EYS: variants seen among roughly 807,000 people sequenced by gnomAD.
The protein encoded by EYS is EGF-like photoreceptor maintenance factor, also known as protein eyes shut homolog.
EYS carries 250 observed loss-of-function variants against 282.1 expected under a neutral mutation model. That is an observed-to-expected ratio of 0.89 (90% CI 0.80 to 0.98). The LOEUF (loss-of-function observed/expected upper bound fraction) is 0.98, where lower values mean the gene tolerates loss of function less well. EYS is among the 50% of genes least tolerant of loss of function. The probability of loss-of-function intolerance (pLI) is 0.00; values close to 1 mark genes in which losing one functional copy is unlikely to be tolerated. For synonymous variants in EYS, 1,355 were observed against 1,282.9 expected, an observed-to-expected ratio of 1.06 and a Z score of -1.20; for missense variants, 4,016 against 3,709.0, an observed-to-expected ratio of 1.08 and a Z score of -2.15.
intron 19 of EYS, among the ~76,000 whole-genome samples, chr6:64,870,234 A>C (rs1191525370): frequency 6.6e-6 from 1 of 151,642 alleles, no homozygotes; most frequent in African/African-American, 2.4e-5. Context: ...ACACATAAAT[A>C]TTCATAAAAG....
At chr6:64,485,956 C>G (rs960942545) in intron 26 of EYS, among the ~76,000 whole-genome samples, 5 of 151,358 alleles carry the variant, frequency 3.3e-5, no homozygotes, top group African/African-American at 1.2e-4. Context: ...ATAGCAGACT[C>G]AGAAAGAACC....
chr6:64,902,278 A>C, intron 17 of EYS, 58 bp from the exon 18 acceptor site: 1 of 1,377,140 alleles, frequency 7.3e-7, no homozygotes, highest in Non-Finnish European at 1.0e-6. Flanking sequence ...TCAATGCTTC[A>C]ACTAATTGTA....
intron 11 of EYS, among the ~76,000 whole-genome samples, chr6:65,327,884 T>C (rs1229536767): frequency 1.3e-5 from 2 of 151,572 alleles, no homozygotes; most frequent in African/African-American, 2.4e-5. Context: ...TAGGATGATG[T>C]ATTTTTTTCA....
In EYS at chr6:65,119,354, C is replaced by G. The variant is rs751054084; in HGVS notation, c.2024-61627G>C. 2.6e-5 allele frequency among the ~76,000 whole-genome samples: 4 copies of G among 152,136 alleles called. No homozygotes were observed. In the South Asian group the frequency reaches 6.2e-4, roughly 24 times the overall value. On this transcript the variant is annotated intron_variant, in intron 12 of 42. Transcript: ENST00000503581. Reference sequence around the variant, plus strand: ...TAAAAGTCATCATCTTATACCAAGGCACAAGGAGCTACCACGTCTAAACCT... The same window carrying G: ...TAAAAGTCATCATCTTATACCAAGGGACAAGGAGCTACCACGTCTAAACCT...
intron 26 of EYS, among the ~76,000 whole-genome samples, chr6:64,460,025 CT>C (rs1360854850): frequency 3.3e-5 from 5 of 151,640 alleles, no homozygotes; most frequent in Admixed American, 6.6e-5. Flanking sequence ...TCCTCAATGA[CT>C]TTTATTCAAA....
rs1334919797 is a variant in EYS at position 63,838,729 on chromosome 6, T to G, written c.7228+25457A>C. On this transcript the variant is annotated intron_variant, in intron 36 of 42. Coordinates refer to ENST00000503581, the MANE Select transcript of EYS (RefSeq NM_001142800.2). Reference sequence around the variant, plus strand: ...GGCCTTTTCTCCTAAAGAGTAGGCCTCTCTTGGCTTCTGTGACAACTTGCA... The same window carrying G: ...GGCCTTTTCTCCTAAAGAGTAGGCCGCTCTTGGCTTCTGTGACAACTTGCA... Among the ~76,000 whole-genome samples the G allele has an allele frequency of 2.6e-5, 4 of 152,110 alleles. No individual in the cohort carries two copies. In the East Asian group the frequency reaches 7.7e-4, roughly 29 times the overall value.
chr6:63,926,074 G>A (rs951383341), intron 35 of EYS, among the ~76,000 whole-genome samples: 1 of 151,974 alleles, frequency 6.6e-6, no homozygotes, highest in Admixed American at 6.5e-5. Flanking sequence ...ACTTATGAGT[G>A]AGAACATGGC....
chr6:64,937,232 TCA>T (rs1768939253), intron 15 of EYS, among the ~76,000 whole-genome samples: 1 of 151,408 alleles, frequency 6.6e-6, no homozygotes, highest in African/African-American at 2.4e-5. Flanking sequence ...ATTGTAATCT[TCA>T]GTTAGACAAC....
chr6:63,761,634 A>G (rs1202003304), intron 41 of EYS, among the ~76,000 whole-genome samples: 4 of 151,910 alleles, frequency 2.6e-5, no homozygotes, highest in African/African-American at 9.7e-5. Flanking sequence ...TTGGTGATTG[A>G]CTCCTGTACT....
intron 14 of EYS, among the ~76,000 whole-genome samples, chr6:64,978,382 C>T (rs1294498674): frequency 6.6e-6 from 1 of 151,918 alleles, no homozygotes; most frequent in Non-Finnish European, 1.5e-5. Flanking sequence ...TTTAAGCCCA[C>T]TCTTTAGACC....
At chr6:65,695,716 C>A (rs932547102) in intron 1 of EYS, among the ~76,000 whole-genome samples, 4 of 151,720 alleles carry the variant, frequency 2.6e-5, no homozygotes, top group African/African-American at 9.7e-5. Context: ...TAAATACATG[C>A]ACATACAGGT....
chr6:65,692,642 T>C (rs1226352593), intron 1 of EYS, among the ~76,000 whole-genome samples: 1 of 150,090 alleles, frequency 6.7e-6, no homozygotes, highest in Non-Finnish European at 1.5e-5. Context: ...AAGAATTGTT[T>C]TCCATAAGGA....
Position 63,720,998 on chromosome 6 carries a change from A to G in EYS, c.9033T>C (p.Ile3011=). 6.4e-7 allele frequency: 1 copy of G among 1,551,304 alleles called. No homozygotes were observed. Among genetic ancestry groups the G allele is most frequent in the Non-Finnish European group, 8.7e-7 (1 of 1,146,756 alleles). ...AQNEENDFLA[I]GLHNQTLKIA... ...TTTTCAAGGTCTGATTATGGAGACC[A>G]ATTGCCAGAAAATCATTTTCTTCAT... Residue 3011 remains isoleucine (I), a synonymous_variant, in exon 43 of 43, where the codon ATT becomes ATC. Coordinates refer to ENST00000503581, the MANE Select transcript of EYS (RefSeq NM_001142800.2).
chr6:65,171,107 A>G (rs1177939848), intron 12 of EYS, among the ~76,000 whole-genome samples: 1 of 151,550 alleles, frequency 6.6e-6, no homozygotes, highest in Non-Finnish European at 1.5e-5. Flanking sequence ...GCAGTGTACT[A>G]ATTATCTGTT....
intron 29 of EYS, among the ~76,000 whole-genome samples, chr6:64,326,785 T>C (rs368527216): frequency 1.4e-3 from 205 of 148,800 alleles, no homozygotes; most frequent in African/African-American, 4.9e-3. Context: ...ACAGCACAAA[T>C]GGAACCAGTA....
chr6:64,521,375 C>T (rs1777728826), intron 26 of EYS, among the ~76,000 whole-genome samples: 1 of 151,576 alleles, frequency 6.6e-6, no homozygotes, highest in Non-Finnish European at 1.5e-5. Flanking sequence ...AAAAGCTTGC[C>T]CAGAAGTCAC....
chr6:64,004,842 A>C (rs541846027), intron 33 of EYS, among the ~76,000 whole-genome samples: 1 of 152,154 alleles, frequency 6.6e-6, no homozygotes, highest in Non-Finnish European at 1.5e-5. Flanking sequence ...TATTTACCAC[A>C]TTTTCTTTAT....
chr6:64,930,443 T>G (rs917917620), intron 15 of EYS, among the ~76,000 whole-genome samples: 1 of 139,138 alleles, frequency 7.2e-6, no homozygotes, highest in Non-Finnish European at 1.5e-5. Flanking sequence ...CACTTAGGAC[T>G]TCTATGCATA....
chr6:65,621,133 G>A (rs1026004902), intron 2 of EYS, among the ~76,000 whole-genome samples: 1 of 152,132 alleles, frequency 6.6e-6, no homozygotes, highest in Non-Finnish European at 1.5e-5. Context: ...TCGTTGATCT[G>A]TCTAATGTTG....
Sources: gnomAD v4.1 joint callset for allele counts (sites outside exome capture counted in the v4.1 genomes callset) on GRCh38, gnomAD v4.1.1 for gene constraint, MANE v1.5 for transcripts, NCBI Gene and HGNC (gene_info 2026-07-23, HGNC 2026-07-21) for gene names.